The following VWA3B variants were observed in gnomAD, a reference collection of about 807,000 sequenced individuals.
VWA3B encodes von Willebrand factor A domain containing 3B.
Under a neutral mutation model 158.3 loss-of-function variants are expected in VWA3B, and 138 were observed. That is an observed-to-expected ratio of 0.87 (90% confidence interval 0.76 to 1.00). VWA3B has a LOEUF of 1.00. VWA3B is among the 50% of genes least tolerant of loss of function. The probability of loss-of-function intolerance (pLI) is 0.00; values close to 1 mark genes in which losing one functional copy is unlikely to be tolerated. For synonymous variants in VWA3B, 596 were observed against 587.3 expected (o/e 1.01, Z -0.21); for missense variants, 1,555 against 1,565.1 (o/e 0.99, Z 0.11).
chr2:98,217,524 C>T lies in VWA3B; in HGVS notation c.1837-322C>T, dbSNP rs137883306. Among the ~76,000 whole-genome samples, 63 of 152,334 alleles carry T rather than the reference C, an allele frequency of 4.1e-4. 1 individual carries two copies. Among genetic ancestry groups the T allele is most frequent in the African/African-American group, 1.5e-3 (61 of 41,570 alleles). On this transcript the variant is annotated intron_variant, in intron 13 of 27. Transcript: ENST00000477737. ...GAAATTGCTCTTTTGTAGCCCAGCACTTTAAATGCATGGACTGTAAGTTCA... is the reference window on the plus strand; with the variant it reads ...GAAATTGCTCTTTTGTAGCCCAGCATTTTAAATGCATGGACTGTAAGTTCA...
intron 12 of VWA3B, among the ~76,000 whole-genome samples, chr2:98,196,139 A>G (rs1320336509): frequency 1.3e-5 from 2 of 152,126 alleles, no homozygotes; most frequent in Admixed American, 1.3e-4. Context: ...GGATGGGGAG[A>G]TGTTGGTCAA....
rs371532051 is a variant in VWA3B, at chr2:98,184,225, C to T, written c.1311+3013C>T. Among the ~76,000 whole-genome samples, 8 of 152,334 alleles carry T rather than the reference C, an allele frequency of 5.3e-5. No homozygotes were observed. In the East Asian group the frequency reaches 1.5e-3, roughly 29 times the overall value. ...TTTCCATTTGGCTGTGCATGAGGCACACTCGGGAAATGCCCTTTGATGGGG... is the reference window on the plus strand; with the variant it reads ...TTTCCATTTGGCTGTGCATGAGGCATACTCGGGAAATGCCCTTTGATGGGG... On this transcript the variant is annotated intron_variant, in intron 9 of 27. Coordinates refer to ENST00000477737, the MANE Select transcript of VWA3B (RefSeq NM_144992.5).
chr2:98,132,502 C>A (rs555481359), intron 6 of VWA3B, among the ~76,000 whole-genome samples: 1 of 152,232 alleles, frequency 6.6e-6, no homozygotes, highest in African/African-American at 2.4e-5. Context: ...CCAAGCACAG[C>A]GCTGTGCTCT....
At chr2:98,107,531 G>A (rs1489946289) in intron 2 of VWA3B, among the ~76,000 whole-genome samples, 4 of 152,046 alleles carry the variant, frequency 2.6e-5, no homozygotes, top group Non-Finnish European at 4.4e-5. Flanking sequence ...TTTTGAAGAA[G>A]TTTTAAGTCA....
chr2:98,283,074 G>A (rs1688976550), intron 22 of VWA3B, among the ~76,000 whole-genome samples: 1 of 152,224 alleles, frequency 6.6e-6, no homozygotes, highest in South Asian at 2.1e-4. Context: ...AATGTAGAAA[G>A]CAATCTCCTC....
In VWA3B at chr2:98,102,919, C is replaced by G. The variant is rs1683186951; in HGVS notation, c.196+9631C>G. 2.6e-5 allele frequency among the ~76,000 whole-genome samples: 4 copies of G among 152,290 alleles called. No individual in the cohort carries two copies. The South Asian group carries it at 8.3e-4, about 32-fold the overall frequency. Reference sequence around the variant, plus strand: ...ATAAACAGAGGGCTAATCAGATATTCTGTTTCATAATGCCAATTTGGAAAA... The same window carrying G: ...ATAAACAGAGGGCTAATCAGATATTGTGTTTCATAATGCCAATTTGGAAAA... On this transcript the variant is annotated intron_variant, in intron 2 of 27. Transcript: ENST00000477737.
intron 16 of VWA3B, among the ~76,000 whole-genome samples, chr2:98,233,524 T>C (rs1282454736): frequency 6.6e-6 from 1 of 152,196 alleles, no homozygotes; most frequent in East Asian, 1.9e-4. Flanking sequence ...TGATTTGGAT[T>C]GTTTATCTCT....
intron 21 of VWA3B, among the ~76,000 whole-genome samples, chr2:98,263,355 C>T (rs4851954): frequency 0.41 from 62,697 of 151,616 alleles, 13,469 homozygotes; most frequent in Admixed American, 0.47. Flanking sequence ...GGGAAAGCTT[C>T]CAATCTTTCA....
intron 26 of VWA3B, among the ~76,000 whole-genome samples, chr2:98,306,696 T>C (rs919811284): frequency 1.3e-5 from 2 of 152,212 alleles, no homozygotes; most frequent in African/African-American, 4.8e-5. Context: ...TATCAATCAT[T>C]ATTTTAGAAT....
chr2:98,196,553 G>A (rs113499133), intron 12 of VWA3B, among the ~76,000 whole-genome samples: 1 of 152,260 alleles, frequency 6.6e-6, no homozygotes, highest in African/African-American at 2.4e-5. Context: ...ACAAGCATAG[G>A]CGTTCCTAAG....
In VWA3B at chr2:98,311,956, C is replaced by A. The variant is rs751411935; in HGVS notation, c.3659C>A (p.Ala1220Glu). Reference protein sequence around the residue: ...RPAKQPLQQAAPSDSDGSSHG... With the variant: ...RPAKQPLQQAEPSDSDGSSHG... The stretch of plus-strand genomic sequence containing the variant: ...GCCAAGCAGCCACTCCAGCAGGCGG[C>A]GCCCTCGGACTCGGACGGCTCCTCC... Residue 1220 changes from alanine (A) to glutamate (E), a missense_variant, in exon 27 of 28, where the codon GCG becomes GAG. Ala to Glu is a moderately radical substitution (Grantham distance 107). Transcript: ENST00000477737. The A allele has an allele frequency of 6.2e-7, 1 of 1,606,140 alleles. No homozygotes were observed. The highest frequency in any genetic ancestry group is 8.5e-7 in the Non-Finnish European group (1 of 1,176,322).
At chr2:98,105,936 GAC>G (rs2104878237) in intron 2 of VWA3B, among the ~76,000 whole-genome samples, 1 of 151,398 alleles carries the variant, frequency 6.6e-6, no homozygotes, top group African/African-American at 2.4e-5. Context: ...TTTTTTTTGA[GAC>G]AGAGTCTCGC....
chr2:98,302,212 T>C (rs1690242607), intron 25 of VWA3B, among the ~76,000 whole-genome samples: 1 of 151,818 alleles, frequency 6.6e-6, no homozygotes, highest in Non-Finnish European at 1.5e-5. Flanking sequence ...CCATCTCCTC[T>C]CCCCCAAACT....
At chr2:98,098,093 C>T (rs1042342230) in intron 2 of VWA3B, among the ~76,000 whole-genome samples, 1 of 152,024 alleles carries the variant, frequency 6.6e-6, no homozygotes, top group East Asian at 1.9e-4. Flanking sequence ...ATACTTGATA[C>T]GATTTCAGTC....
intron 22 of VWA3B, among the ~76,000 whole-genome samples, chr2:98,280,065 T>G (rs1688780678): frequency 1.3e-5 from 2 of 152,254 alleles, no homozygotes; most frequent in African/African-American, 4.8e-5. Context: ...CAAGTGTGGC[T>G]TTTGTTCATC....
At chr2:98,129,203 A>G (rs1675625521) in intron 6 of VWA3B, among the ~76,000 whole-genome samples, 1 of 113,624 alleles carries the variant, frequency 8.8e-6, no homozygotes, top group African/African-American at 4.7e-5. Context: ...TGAGAGAGAG[A>G]GAGGAGAGAG....
intron 19 of VWA3B, among the ~76,000 whole-genome samples, chr2:98,248,037 A>G (rs1686511174): frequency 6.6e-6 from 1 of 152,074 alleles, no homozygotes; most frequent in Non-Finnish European, 1.5e-5. Context: ...TGTGTAGCCT[A>G]GAATTTATTC....
chr2:98,127,818 T>G (rs1174642839), intron 5 of VWA3B, among the ~76,000 whole-genome samples: 6 of 152,180 alleles, frequency 3.9e-5, no homozygotes, highest in Non-Finnish European at 8.8e-5. Context: ...CATTCTGCCT[T>G]AGACAGAGGA....
At position 98,298,018 on chromosome 2, in the gene VWA3B, GC is replaced by G; in HGVS notation, c.3272del (p.Pro1091ArgfsTer14). 6.4e-7 allele frequency: 1 copy of G among 1,564,762 alleles called. No individual in the cohort carries two copies. Among genetic ancestry groups the G allele is most frequent in the African/African-American group, 1.4e-5 (1 of 72,556 alleles). ...ACGCCTGTGGGGGGCGCCATGCCCT[GC>G]CCGCTGCTCCAGGTACCCAGTCCCT... Reference protein sequence around the residue: ...FITPVGGAMPCPLLQVGDYVF... With the variant: ...FITPVGGAMPXPLLQVGDYVF... On this transcript the variant is annotated frameshift_variant, in exon 24 of 28. Transcript: ENST00000477737. LOFTEE classifies it high-confidence loss of function.
Sources: gnomAD v4.1 joint callset for allele counts (sites outside exome capture counted in the v4.1 genomes callset) on GRCh38, gnomAD v4.1.1 for gene constraint, MANE v1.5 for transcripts, NCBI Gene and HGNC (gene_info 2026-07-23, HGNC 2026-07-21) for gene names.